The following CDH13 variants were observed in gnomAD, a reference collection of about 807,000 sequenced individuals.
CDH13 encodes the protein cadherin 13.
A neutral mutation model predicts 63.8 loss-of-function variants in CDH13; 24 were observed. The ratio of observed to expected loss-of-function variants is 0.38; its 90% CI spans 0.27 to 0.53. The LOEUF (loss-of-function observed/expected upper bound fraction) is 0.53. Among genes scored for constraint, CDH13 ranks in the 20% least tolerant of loss-of-function variants. The pLI, the probability that CDH13 is intolerant of heterozygous loss-of-function variation, is 0.85. For missense variants in CDH13, 1,049 were observed against 903.1 expected, an observed-to-expected ratio of 1.16 and a Z score of -2.07; for synonymous variants, 503 against 355.3, an observed-to-expected ratio of 1.42 and a Z score of -4.67.
chr16:82,693,877 A>G (rs913559495), intron 1 of CDH13, among the ~76,000 whole-genome samples: 1 of 152,122 alleles, frequency 6.6e-6, no homozygotes, highest in African/African-American at 2.4e-5. Flanking sequence ...TTCCTAGAAA[A>G]TCTTATAACA....
At chr16:83,285,745 T>TA (rs1162865773) in intron 5 of CDH13, among the ~76,000 whole-genome samples, 1 of 152,110 alleles carries the variant, frequency 6.6e-6, no homozygotes, top group Admixed American at 6.6e-5. Context: ...TTGAAACCAA[T>TA]ATCTGCGGGT....
intron 6 of CDH13, among the ~76,000 whole-genome samples, chr16:83,453,744 T>A (rs1432672487): frequency 7.3e-6 from 1 of 137,374 alleles, no homozygotes; most frequent in African/African-American, 2.8e-5. Flanking sequence ...GGAAACTCTT[T>A]ATCCACCATG....
In CDH13 at chr16:82,627,380, G is replaced by GTGTGTGTGTGTA. The variant is rs1468653196; in HGVS notation, c.45+244_45+245insGTGTGTGTGTAT. On this transcript the variant is annotated intron_variant, in intron 1 of 13. Coordinates refer to ENST00000567109, the MANE Select transcript of CDH13 (RefSeq NM_001257.5). ...TGTGTGTGTGTGTGTGTGTGTGTGT[G>GTGTGTGTGTGTA]TACGTTCGTTAACGGGAGGAGGAGA... Among the ~76,000 whole-genome samples the GTGTGTGTGTGTA allele has an allele frequency of 2.8e-5, 4 of 142,520 alleles. No individual in the cohort carries two copies. In the East Asian group the frequency reaches 9.2e-4, roughly 33 times the overall value. The allele number at this position is 142,520 out of a possible 152,430, so 93.5% of individuals were successfully genotyped here.
intron 6 of CDH13, among the ~76,000 whole-genome samples, chr16:83,426,967 C>T (rs1167115623): frequency 7.9e-6 from 1 of 125,824 alleles, no homozygotes; most frequent in Non-Finnish European, 1.6e-5. Flanking sequence ...TGCTCTGTCG[C>T]CCAGGCTAGA....
intron 10 of CDH13, among the ~76,000 whole-genome samples, chr16:83,689,238 T>C (rs576747872): frequency 1.4e-4 from 21 of 152,328 alleles, no homozygotes; most frequent in African/African-American, 5.1e-4. Context: ...TGACAAATGT[T>C]AATATTGTTC....
At chr16:83,770,512 C>T (rs943023817) in intron 11 of CDH13, among the ~76,000 whole-genome samples, 5 of 152,032 alleles carry the variant, frequency 3.3e-5, no homozygotes, top group Admixed American at 2.6e-4. Flanking sequence ...GAATTCAGTG[C>T]GAGTCCATTA....
At chr16:82,809,784 C>T (rs1201928134) in intron 1 of CDH13, among the ~76,000 whole-genome samples, 3 of 152,190 alleles carry the variant, frequency 2.0e-5, no homozygotes, top group African/African-American at 4.8e-5. Flanking sequence ...TGAGCCGTTT[C>T]GCTAACAAGT....
chr16:83,225,268 T>G (rs1184739291), intron 5 of CDH13, among the ~76,000 whole-genome samples: 1 of 152,190 alleles, frequency 6.6e-6, no homozygotes, highest in Non-Finnish European at 1.5e-5. Context: ...TTGAACCTGT[T>G]TCGTTACAGT....
At chr16:83,049,873 A>G (rs2030096704) in intron 3 of CDH13, among the ~76,000 whole-genome samples, 1 of 152,208 alleles carries the variant, frequency 6.6e-6, no homozygotes, top group Admixed American at 6.5e-5. Context: ...TGCCACAAAA[A>G]CATTGCATAC....
intron 5 of CDH13, among the ~76,000 whole-genome samples, chr16:83,329,995 C>T (rs1167648751): frequency 6.6e-6 from 1 of 152,132 alleles, no homozygotes; most frequent in Non-Finnish European, 1.5e-5. Context: ...CATGAGTACG[C>T]AAATATATCT....
intron 10 of CDH13, among the ~76,000 whole-genome samples, chr16:83,688,357 G>A (rs746261409): frequency 9.1e-4 from 138 of 152,206 alleles, no homozygotes; most frequent in Non-Finnish European, 1.5e-3. Flanking sequence ...AAAATATGTA[G>A]TAGCCTACCA....
At chr16:83,219,358 G>A (rs1039599905) in intron 5 of CDH13, among the ~76,000 whole-genome samples, 4 of 152,166 alleles carry the variant, frequency 2.6e-5, no homozygotes, top group Non-Finnish European at 5.9e-5. Context: ...TTAAAAGCAT[G>A]GATTCTGCAC....
At chr16:83,122,490 C>T (rs990211113) in intron 3 of CDH13, among the ~76,000 whole-genome samples, 10 of 152,184 alleles carry the variant, frequency 6.6e-5, no homozygotes, top group African/African-American at 2.4e-4. Context: ...TTGTGACATG[C>T]TACTTGGAGA....
chr16:83,592,858 G>T (rs1906894106), intron 7 of CDH13, among the ~76,000 whole-genome samples: 1 of 152,188 alleles, frequency 6.6e-6, no homozygotes, highest in Admixed American at 6.5e-5. Context: ...AAGGTGAAAA[G>T]AGGCCTAAAG....
chr16:82,908,277 G>A (rs769812192), intron 2 of CDH13, among the ~76,000 whole-genome samples: 1 of 152,128 alleles, frequency 6.6e-6, no homozygotes, highest in African/African-American at 2.4e-5. Flanking sequence ...CCTTCTTTTG[G>A]AATTAAAATT....
At chr16:83,578,010 A>G (rs1401140028) in intron 7 of CDH13, among the ~76,000 whole-genome samples, 2 of 152,202 alleles carry the variant, frequency 1.3e-5, no homozygotes, top group East Asian at 3.9e-4. Context: ...GCTTCTCAAC[A>G]ATATAATAGA....
intron 5 of CDH13, among the ~76,000 whole-genome samples, chr16:83,251,304 T>G (rs1017055130): frequency 6.6e-5 from 10 of 152,226 alleles, no homozygotes; most frequent in Non-Finnish European, 1.2e-4. Context: ...AGTGTTTTAT[T>G]AGGTACCAGA....
chr16:83,084,472 C>T (rs917164264), intron 3 of CDH13, among the ~76,000 whole-genome samples: 1 of 152,298 alleles, frequency 6.6e-6, no homozygotes, highest in South Asian at 2.1e-4. Flanking sequence ...ACCTGTCTCT[C>T]GAAAACAGTT....
At chr16:83,774,669 C>T (rs534636600) in intron 11 of CDH13, among the ~76,000 whole-genome samples, 2 of 152,254 alleles carry the variant, frequency 1.3e-5, no homozygotes, top group South Asian at 2.1e-4. Context: ...CCACCACACC[C>T]GGCCTACCAT....
Sources: gnomAD v4.1 joint callset for allele counts (sites outside exome capture counted in the v4.1 genomes callset) on GRCh38, gnomAD v4.1.1 for gene constraint, MANE v1.5 for transcripts, NCBI Gene and HGNC (gene_info 2026-07-23, HGNC 2026-07-21) for gene names.